The following ARHGAP15 variants were observed in gnomAD, a reference collection of about 807,000 sequenced individuals.
The protein encoded by ARHGAP15 is Rho GTPase activating protein 15.
A neutral mutation model predicts 63.7 loss-of-function variants in ARHGAP15; 51 were observed. The ratio of observed to expected loss-of-function variants is 0.80; its 90% CI spans 0.64 to 1.01. The LOEUF (loss-of-function observed/expected upper bound fraction) is 1.01, where lower values mean the gene tolerates loss of function less well. Among genes scored for constraint, ARHGAP15 ranks in the 50% least tolerant of loss-of-function variants. The pLI is 0.00. For missense variants in ARHGAP15, 560 were observed against 564.6 expected, an observed-to-expected ratio of 0.99 and a Z score of 0.08; for synonymous variants, 191 against 193.8, an observed-to-expected ratio of 0.99 and a Z score of 0.12.
chr2:143,394,853 T>G (rs1687690884), intron 6 of ARHGAP15, among the ~76,000 whole-genome samples: 1 of 152,158 alleles, frequency 6.6e-6, no homozygotes, highest in Non-Finnish European at 1.5e-5. Context: ...ATTGATCAGC[T>G]GATTATCTTG....
At chr2:143,422,322 A>G (rs1357274882) in intron 6 of ARHGAP15, among the ~76,000 whole-genome samples, 1 of 152,164 alleles carries the variant, frequency 6.6e-6, no homozygotes, top group Non-Finnish European at 1.5e-5. Flanking sequence ...TACTATACTG[A>G]TGATCTTTAG....
chr2:143,614,997 T>C (rs1381533946), intron 11 of ARHGAP15, among the ~76,000 whole-genome samples: 1 of 152,218 alleles, frequency 6.6e-6, no homozygotes. Flanking sequence ...TATTTTACCT[T>C]ACTTTATGCA....
intron 6 of ARHGAP15, among the ~76,000 whole-genome samples, chr2:143,283,162 G>T (rs7579046): frequency 0.16 from 23,818 of 152,030 alleles, 2,125 homozygotes; most frequent in Admixed American, 0.29. Flanking sequence ...ATCAAATTTT[G>T]CCCTGCAGCA....
intron 10 of ARHGAP15, among the ~76,000 whole-genome samples, chr2:143,543,933 A>G (rs1021807462): frequency 1.3e-5 from 2 of 152,176 alleles, no homozygotes; most frequent in African/African-American, 4.8e-5. Flanking sequence ...CTCCTAGACC[A>G]CTAGAGGAAG....
intron 6 of ARHGAP15, among the ~76,000 whole-genome samples, chr2:143,266,607 T>C (rs1048665943): frequency 6.6e-6 from 1 of 152,178 alleles, no homozygotes; most frequent in Non-Finnish European, 1.5e-5. Flanking sequence ...AAATGAAACA[T>C]TTCTGAGATA....
At chr2:143,617,428 C>T (rs994475557) in intron 11 of ARHGAP15, among the ~76,000 whole-genome samples, 3 of 152,118 alleles carry the variant, frequency 2.0e-5, no homozygotes, top group Admixed American at 1.3e-4. Context: ...ATTAAGGTAT[C>T]GGTAAGTTGA....
Position 143,627,825 on chromosome 2 carries a change from G to T in ARHGAP15, c.1138+3558G>T, listed in dbSNP as rs555452207. On this transcript the variant is annotated intron_variant, in intron 12 of 13. Transcript: ENST00000295095. ...ATTTTGCAGATGCTGTTTTTGTGGG[G>T]TTTTTTTTCGACTTTTATTTTAGAT... Among the ~76,000 whole-genome samples the T allele has an allele frequency of 4.4e-4, 67 of 151,586 alleles. No homozygotes were observed. The East Asian group carries it at 6.6e-3, about 15-fold the overall frequency.
chr2:143,226,355 A>G (rs970048431), intron 4 of ARHGAP15, among the ~76,000 whole-genome samples: 1 of 152,224 alleles, frequency 6.6e-6, no homozygotes, highest in African/African-American at 2.4e-5. Flanking sequence ...CAAATAAGGT[A>G]TAGTGTCTCC....
chr2:143,449,827 T>A (rs867188132), intron 8 of ARHGAP15, among the ~76,000 whole-genome samples: 1 of 152,036 alleles, frequency 6.6e-6, no homozygotes, highest in Non-Finnish European at 1.5e-5. Flanking sequence ...TACCTTTTTT[T>A]AATTATAGGA....
chr2:143,703,565 T>C, intron 13 of ARHGAP15, 41 bp downstream of exon 13: 1 of 1,472,066 alleles, frequency 6.8e-7, no homozygotes, highest in Non-Finnish European at 9.4e-7. Context: ...TTTATAGTCA[T>C]TTCCTAAATG....
chr2:143,486,572 A>G (rs1003563753), intron 8 of ARHGAP15, among the ~76,000 whole-genome samples: 1 of 152,110 alleles, frequency 6.6e-6, no homozygotes, highest in Admixed American at 6.5e-5. Flanking sequence ...GTCTAAAAAT[A>G]AGAGGAGGAG....
intron 11 of ARHGAP15, among the ~76,000 whole-genome samples, chr2:143,582,390 G>A (rs1283592636): frequency 1.3e-5 from 2 of 152,056 alleles, no homozygotes; most frequent in Non-Finnish European, 2.9e-5. Flanking sequence ...ATTACCCATG[G>A]TTTCATTTCC....
chr2:143,603,735 A>C (rs1254872313), intron 11 of ARHGAP15, among the ~76,000 whole-genome samples: 5 of 152,298 alleles, frequency 3.3e-5, no homozygotes, highest in Non-Finnish European at 5.9e-5. Context: ...AGCTCTTACA[A>C]GGTACTGTTC....
At chr2:143,206,745 C>T (rs1292314849) in intron 3 of ARHGAP15, among the ~76,000 whole-genome samples, 1 of 151,982 alleles carries the variant, frequency 6.6e-6, no homozygotes, top group African/African-American at 2.4e-5. Flanking sequence ...AAAATAAATG[C>T]TTTATTTGTT....
chr2:143,761,244 CAA>C (rs1686750092), intron 13 of ARHGAP15, among the ~76,000 whole-genome samples: 1 of 152,180 alleles, frequency 6.6e-6, no homozygotes, highest in Non-Finnish European at 1.5e-5. Flanking sequence ...GTTAAGTGGT[CAA>C]AGTCACAATT....
chr2:143,444,632 A>G (rs1314931645), intron 8 of ARHGAP15, among the ~76,000 whole-genome samples: 1 of 152,084 alleles, frequency 6.6e-6, no homozygotes, highest in Non-Finnish European at 1.5e-5. Flanking sequence ...TTGCTTTTTG[A>G]TGGATTTATT....
intron 6 of ARHGAP15, among the ~76,000 whole-genome samples, chr2:143,376,588 A>G: frequency 6.6e-6 from 1 of 152,166 alleles, no homozygotes; most frequent in East Asian, 1.9e-4. Context: ...AAATTCAGAA[A>G]GTAACATGTA....
At chr2:143,147,500 C>T (rs1449879501) in intron 1 of ARHGAP15, among the ~76,000 whole-genome samples, 2 of 151,986 alleles carry the variant, frequency 1.3e-5, no homozygotes, top group African/African-American at 4.8e-5. Flanking sequence ...ATTTCTTATG[C>T]TCCCTAAATG....
At chr2:143,605,397 G>A (rs1328389995) in intron 11 of ARHGAP15, among the ~76,000 whole-genome samples, 1 of 152,048 alleles carries the variant, frequency 6.6e-6, no homozygotes, top group Non-Finnish European at 1.5e-5. Flanking sequence ...ATTCTGCTGG[G>A]ACTGACACAT....
Sources: allele counts gnomAD v4.1 joint callset (sites outside exome capture counted in the v4.1 genomes callset), GRCh38; gene constraint gnomAD v4.1.1; transcripts MANE v1.5; gene names NCBI Gene and HGNC (gene_info 2026-07-23, HGNC 2026-07-21).